Variants in RSAD2 observed in about 807,000 individuals in gnomAD.
The protein encoded by RSAD2 is radical S-adenosyl methionine domain containing 2.
Under a neutral mutation model 37.7 loss-of-function variants are expected in RSAD2, and 38 were observed. That is an observed-to-expected ratio of 1.01 (90% confidence interval 0.78 to 1.32). The LOEUF (loss-of-function observed/expected upper bound fraction) is 1.32, where lower values mean the gene tolerates loss of function less well. Among genes scored for constraint, RSAD2 ranks in the 40% most tolerant of loss-of-function variants. The probability of loss-of-function intolerance (pLI) is 0.00; values close to 1 mark genes in which losing one functional copy is unlikely to be tolerated. For missense variants in RSAD2, 428 were observed against 437.5 expected, an observed-to-expected ratio of 0.98 and a Z score of 0.19; for synonymous variants, 163 against 157.4, an observed-to-expected ratio of 1.04 and a Z score of -0.27.
chr2:6,883,710 G>T, intron 2 of RSAD2, 178 bp downstream of exon 2: 1 of 663,390 alleles, frequency 1.5e-6, no homozygotes, highest in Non-Finnish European at 2.5e-6. Context: ...GGCAGTTTTA[G>T]TTCCTTAGGG....
chr2:6,874,722 A>G (rs1225086444), upstream of RSAD2, among the ~76,000 whole-genome samples: 3 of 152,170 alleles, frequency 2.0e-5, no homozygotes, highest in Non-Finnish European at 2.9e-5. Flanking sequence ...TTTTTCTTTC[A>G]TTAGTTATAG....
At chr2:6,886,802 T>G in intron 2 of RSAD2, 133 bp from the exon 3 acceptor site, 4 of 624,134 alleles carry the variant, frequency 6.4e-6, no homozygotes, top group East Asian at 2.8e-5. Context: ...CATATCTCAA[T>G]GAGTTTTGTG....
rs1558340059 is a variant in RSAD2 at position 6,896,547 on chromosome 2, C to CTTTTTT, written c.*608_*609insTTTTTT. The CTTTTTT allele has an allele frequency of 6.7e-6, 1 of 149,172 alleles. No individual in the cohort carries two copies. The highest frequency in any genetic ancestry group is 2.5e-5 in the African/African-American group (1 of 40,414). 9.2% of individuals were successfully genotyped at this position (149,172 alleles called of 1,614,324 possible). On this transcript the variant is annotated 3_prime_UTR_variant, in exon 6 of 6. Coordinates refer to ENST00000382040, the MANE Select transcript of RSAD2 (RefSeq NM_080657.5). ...GGTTATAATGCTTTTTTTTTTTTGC[C>CTTTTTT]TTTATGCCATTGCAGTCTTGTACTT... is the stretch of plus-strand genomic sequence containing the variant.
At chr2:6,884,186 C>G (rs1251624615) in intron 2 of RSAD2, among the ~76,000 whole-genome samples, 1 of 152,168 alleles carries the variant, frequency 6.6e-6, no homozygotes, top group Non-Finnish European at 1.5e-5. Context: ...GCCTTGAAGT[C>G]TTTCAAAGGG....
intron 1 of RSAD2, among the ~76,000 whole-genome samples, chr2:6,882,080 C>T (rs1484947207): frequency 6.6e-6 from 1 of 152,192 alleles, no homozygotes; most frequent in Non-Finnish European, 1.5e-5. Context: ...TGGAGGTTTT[C>T]CTATGAATAA....
chr2:6,879,946 T>C (rs1663367174), intron 1 of RSAD2, among the ~76,000 whole-genome samples: 1 of 152,196 alleles, frequency 6.6e-6, no homozygotes. Flanking sequence ...AGTTCCATGA[T>C]CTTTAAAATT....
At chr2:6,872,508 G>C (rs1663218121) in intron 1 of RSAD2, among the ~76,000 whole-genome samples, 1 of 152,130 alleles carries the variant, frequency 6.6e-6, no homozygotes, top group Non-Finnish European at 1.5e-5. Context: ...CATTCTGTTT[G>C]CAAGTGTATG....
intron 1 of RSAD2, among the ~76,000 whole-genome samples, chr2:6,878,447 C>T (rs1174024463): frequency 2.0e-5 from 3 of 152,152 alleles, no homozygotes; most frequent in Admixed American, 1.3e-4. Flanking sequence ...CCCTATTACA[C>T]TTGGTGTTTG....
intron 2 of RSAD2, 94 bp downstream of exon 2, chr2:6,883,626 T>C: frequency 7.0e-7 from 1 of 1,431,546 alleles, no homozygotes; most frequent in Non-Finnish European, 9.6e-7. Flanking sequence ...CAGCCAGGCC[T>C]GCTGAGGAAC....
chr2:6,883,340 A>G (rs1441484687), intron 1 of RSAD2, 31 bp from the exon 2 acceptor site: 1 of 1,599,982 alleles, frequency 6.3e-7, no homozygotes, highest in East Asian at 2.2e-5. Flanking sequence ...ATATTTGTGA[A>G]GTGGTAAAAT....
In RSAD2 at chr2:6,898,023, G is replaced by C. The variant is rs1219336105; in HGVS notation, c.*2081G>C. ...AAAAAAAAAAAAAAAAAGCAAGAGA[G>C]TTCAACTAAGAAAGGTCACATATGT... is the stretch of plus-strand genomic sequence containing the variant. On this transcript the variant is annotated 3_prime_UTR_variant, in exon 6 of 6. Transcript: ENST00000382040. The C allele has an allele frequency of 6.7e-6, 1 of 149,618 alleles. No individual in the cohort carries two copies. The highest frequency in any genetic ancestry group is 1.5e-5 in the Non-Finnish European group (1 of 67,552). 9.3% of individuals were successfully genotyped at this position (149,618 alleles called of 1,614,324 possible). A position where few individuals can be genotyped will look rare whatever the true frequency, so the allele number is the denominator to read the frequency against.
upstream of RSAD2, among the ~76,000 whole-genome samples, chr2:6,873,402 C>T (rs916869032): frequency 2.0e-5 from 3 of 152,196 alleles, no homozygotes; most frequent in African/African-American, 7.2e-5. Context: ...ATACCCTTCA[C>T]ACCAGGTTTA....
At chr2:6,871,414 G>T (rs1253853748) in intron 1 of RSAD2, among the ~76,000 whole-genome samples, 2 of 152,182 alleles carry the variant, frequency 1.3e-5, no homozygotes, top group Non-Finnish European at 2.9e-5. Context: ...ATGAATTCCT[G>T]TGATTTATGT....
chr2:6,891,245 A>C (rs1663623586), intron 4 of RSAD2, among the ~76,000 whole-genome samples: 1 of 152,188 alleles, frequency 6.6e-6, no homozygotes, highest in African/African-American at 2.4e-5. Context: ...GATATTGTCT[A>C]TATTCAAGGA....
intron 1 of RSAD2, among the ~76,000 whole-genome samples, chr2:6,871,448 T>C (rs1437209110): frequency 1.3e-5 from 2 of 152,254 alleles, no homozygotes; most frequent in Non-Finnish European, 2.9e-5. Flanking sequence ...ATTTTAATCC[T>C]CCTCTAGCAC....
At chr2:6,881,110 G>T (rs954353272) in intron 1 of RSAD2, among the ~76,000 whole-genome samples, 1 of 151,964 alleles carries the variant, frequency 6.6e-6, no homozygotes, top group Non-Finnish European at 1.5e-5. Flanking sequence ...CCTCAAAATT[G>T]TTAGCAGTTT....
intron 1 of RSAD2, among the ~76,000 whole-genome samples, chr2:6,879,511 C>T (rs1663358638): frequency 6.6e-6 from 1 of 152,072 alleles, no homozygotes; most frequent in Admixed American, 6.5e-5. Context: ...TTGTCTCTTC[C>T]TAGAATGTCT....
At position 6,883,432 on chromosome 2, in the gene RSAD2, G is replaced by A. The variant is rs760846391; in HGVS notation, c.408G>A (p.Leu136=). ...TTCTTCAAGACCGGGGAGAATACCT[G>A]GGCAAGTTGGTGAGGTTCTGCAAAG... is the stretch of plus-strand genomic sequence containing the variant. ...EPFLQDRGEY[L]GKLVRFCKVE... The change falls in exon 2 of 6, where the codon CTG becomes CTA. Residue 136 remains leucine, a synonymous_variant. Coordinates refer to ENST00000382040, the MANE Select transcript of RSAD2 (RefSeq NM_080657.5). 1.2e-6 allele frequency: 2 copies of A among 1,614,182 alleles called. No homozygotes were observed. Among genetic ancestry groups the A allele is most frequent in the Admixed American group, 1.7e-5 (1 of 60,022 alleles).
At chr2:6,866,417 C>T (rs924032724) in intron 1 of RSAD2, 22 of 985,174 alleles carry the variant, frequency 2.2e-5, no homozygotes, top group Non-Finnish European at 2.4e-5. Context: ...CACCTTTGCA[C>T]ACACTCACCT....
Sources: allele counts gnomAD v4.1 joint callset (sites outside exome capture counted in the v4.1 genomes callset), GRCh38; gene constraint gnomAD v4.1.1; transcripts MANE v1.5; gene names NCBI Gene and HGNC (gene_info 2026-07-23, HGNC 2026-07-21).